The following GRIK4 variants were observed in gnomAD, a reference collection of about 807,000 sequenced individuals.
GRIK4 encodes the protein glutamate receptor ionotropic, kainate 4.
In GRIK4, 40 loss-of-function variants were observed where a neutral mutation model predicts 104.9. The observed-to-expected ratio is 0.38, with a 90% confidence interval of 0.30 to 0.50. The LOEUF is 0.50. Ranked by LOEUF, GRIK4 falls within the 20% of genes least tolerant of loss-of-function variation. GRIK4 has a pLI of 0.93. For missense variants in GRIK4, 1,047 were observed against 1,308.1 expected (o/e 0.80, Z 3.08); for synonymous variants, 485 against 524.9 (o/e 0.92, Z 1.04).
chr11:120,822,339 A>G (rs933034642), intron 6 of GRIK4, among the ~76,000 whole-genome samples: 1 of 152,036 alleles, frequency 6.6e-6, no homozygotes, highest in African/African-American at 2.4e-5. Context: ...CCCCTCAGCT[A>G]GAGAAGAAGA....
intron 1 of GRIK4, chr11:120,576,619 T>C (rs910581396): frequency 1.3e-5 from 2 of 152,280 alleles, no homozygotes; most frequent in Non-Finnish European, 1.5e-5. Context: ...GCCAAGAATG[T>C]GTAGTGTTTA....
chr11:120,651,745 C>T (rs1268987813), intron 1 of GRIK4, among the ~76,000 whole-genome samples: 1 of 152,186 alleles, frequency 6.6e-6, no homozygotes, highest in Admixed American at 6.5e-5. Context: ...AGCATCTCCT[C>T]ATGGGAATTC....
At position 120,987,062 on chromosome 11, in the gene GRIK4, G is replaced by A. The variant is rs1056257616; in HGVS notation, c.*802G>A. 1 of 152,208 alleles carries A rather than the reference G, an allele frequency of 6.6e-6. No individual in the cohort carries two copies. Among genetic ancestry groups the A allele is most frequent in the Non-Finnish European group, 1.5e-5 (1 of 68,060 alleles). 9.4% of individuals were successfully genotyped at this position (152,208 alleles called of 1,614,324 possible). A position where few individuals can be genotyped will look rare whatever the true frequency, so the allele number is the denominator to read the frequency against. On this transcript the variant is annotated 3_prime_UTR_variant, in exon 21 of 21. Transcript: ENST00000527524. ...CTATACTCAGACCTTGAAACGCCTG[G>A]AATGTCAAGGGTTAATCTGTCTTTT...
At chr11:120,768,660 TG>T (rs1358601866) in intron 3 of GRIK4, among the ~76,000 whole-genome samples, 1 of 152,252 alleles carries the variant, frequency 6.6e-6, no homozygotes, top group Non-Finnish European at 1.5e-5. Flanking sequence ...CCATTGATTA[TG>T]AGTTTAGCTA....
intron 16 of GRIK4, among the ~76,000 whole-genome samples, chr11:120,958,139 C>G (rs1038885927): frequency 2.0e-5 from 3 of 152,206 alleles, no homozygotes; most frequent in African/African-American, 7.2e-5. Context: ...ATCTCCTTCT[C>G]CCTGGGGCTT....
At chr11:120,864,519 C>T (rs951123614) in intron 9 of GRIK4, among the ~76,000 whole-genome samples, 3 of 152,152 alleles carry the variant, frequency 2.0e-5, no homozygotes, top group African/African-American at 4.8e-5. Flanking sequence ...GGATTACAGG[C>T]GTGAGCCATC....
At chr11:120,676,756 A>G (rs1468982598) in intron 3 of GRIK4, among the ~76,000 whole-genome samples, 1 of 152,204 alleles carries the variant, frequency 6.6e-6, no homozygotes, top group African/African-American at 2.4e-5. Context: ...TTAGGGATAA[A>G]ATTTCAACAT....
rs376105341 is a variant in GRIK4, at chr11:120,831,835, T to A, written c.512-17T>A. ...GCTCTGTGGACCCTCAGGGGCTTCA[T>A]CCTCTCTCCCCTCCAGGCCTTTTAA... On this transcript the variant is annotated splice_polypyrimidine_tract_variant and intron_variant, in intron 6 of 20. Transcript: ENST00000527524. 26 of 1,600,184 alleles carry A rather than the reference T, an allele frequency of 1.6e-5. No homozygotes were observed. Among genetic ancestry groups the A allele is most frequent in the Non-Finnish European group, 2.1e-5 (25 of 1,168,580 alleles).
At chr11:120,581,558 A>ACTCCTCAT (rs1427403146) in intron 1 of GRIK4, among the ~76,000 whole-genome samples, 1 of 151,864 alleles carries the variant, frequency 6.6e-6, no homozygotes, top group African/African-American at 2.4e-5. Flanking sequence ...TTAAATAACA[A>ACTCCTCAT]CTCCTCATTC....
chr11:120,983,187 T>C (rs1222006733), intron 20 of GRIK4, among the ~76,000 whole-genome samples: 1 of 152,180 alleles, frequency 6.6e-6, no homozygotes, highest in East Asian at 1.9e-4. Context: ...TATCCTCTTT[T>C]GCCCCTGTAT....
intron 1 of GRIK4, among the ~76,000 whole-genome samples, chr11:120,590,951 C>T (rs908289182): frequency 6.6e-6 from 1 of 152,070 alleles, no homozygotes; most frequent in African/African-American, 2.4e-5. Context: ...TGTAGGCCGA[C>T]TCTCACCTGA....
chr11:120,847,012 G>T (rs886175326), intron 8 of GRIK4, among the ~76,000 whole-genome samples: 1 of 152,102 alleles, frequency 6.6e-6, no homozygotes, highest in Admixed American at 6.6e-5. Flanking sequence ...AGAAGTATCT[G>T]TCCTGTGTCC....
At chr11:120,569,731 T>A (rs1304109123) in intron 1 of GRIK4, among the ~76,000 whole-genome samples, 1 of 152,214 alleles carries the variant, frequency 6.6e-6, no homozygotes, top group Admixed American at 6.5e-5. Flanking sequence ...GGAGAAATTC[T>A]GGACTCTGCT....
chr11:120,938,970 T>C (rs370795263), intron 13 of GRIK4, among the ~76,000 whole-genome samples: 2 of 152,202 alleles, frequency 1.3e-5, no homozygotes, highest in East Asian at 1.9e-4. Flanking sequence ...ATAGACAGCA[T>C]TTTGAGAACC....
At chr11:120,598,210 G>A (rs1222882161) in intron 1 of GRIK4, among the ~76,000 whole-genome samples, 1 of 152,150 alleles carries the variant, frequency 6.6e-6, no homozygotes, top group Non-Finnish European at 1.5e-5. Context: ...TTGAGCCCTT[G>A]CTGTGCATCC....
At chr11:120,844,001 G>A (rs548773074) in intron 8 of GRIK4, among the ~76,000 whole-genome samples, 27 of 152,254 alleles carry the variant, frequency 1.8e-4, no homozygotes, top group African/African-American at 6.5e-4. Context: ...TTGGCAGAAT[G>A]GATATATGCA....
At chr11:120,701,348 A>C (rs762359999) in intron 3 of GRIK4, among the ~76,000 whole-genome samples, 4 of 152,140 alleles carry the variant, frequency 2.6e-5, no homozygotes, top group Non-Finnish European at 5.9e-5. Context: ...CTTTTCTAAT[A>C]TTCCACATTT....
chr11:120,874,113 G>A lies in GRIK4; in HGVS notation c.954G>A (p.Ala318=), dbSNP rs530974037. ...ATGCTGTCTATGCTGTGGTGACTGC[G>A]GTGCAGGAACTGAACCGGAGCCAAG... ...LFDAVYAVVT[A]VQELNRSQEI... is the part of the protein sequence containing the mutation. The change falls in exon 10 of 21, where the codon GCG becomes GCA. Residue 318 remains alanine (A), a synonymous_variant. Coordinates refer to ENST00000527524, the MANE Select transcript of GRIK4 (RefSeq NM_014619.5). 2.6e-5 allele frequency: 42 copies of A among 1,613,838 alleles called. No homozygotes were observed. In the East Asian group the frequency reaches 5.6e-4, roughly 21 times the overall value.
At chr11:120,643,251 C>T (rs1374869843) in intron 1 of GRIK4, among the ~76,000 whole-genome samples, 1 of 152,106 alleles carries the variant, frequency 6.6e-6, no homozygotes, top group Non-Finnish European at 1.5e-5. Flanking sequence ...AAAAATAAAG[C>T]AGGGTAGCAA....
Sources: allele counts gnomAD v4.1 joint callset (sites outside exome capture counted in the v4.1 genomes callset), GRCh38; gene constraint gnomAD v4.1.1; transcripts MANE v1.5; gene names NCBI Gene and HGNC (gene_info 2026-07-23, HGNC 2026-07-21).